DRC9: variants seen among roughly 807,000 people sequenced by gnomAD.
DRC9 encodes dynein regulatory complex subunit 9.
chr3:197,950,397 C>T, the DRC9 span: 13 of 1,125,692 alleles, frequency 1.2e-5, no homozygotes, highest in African/African-American at 1.6e-5. Context: ...GTTTGGTCCC[C>T]TGACACCCGG....
the DRC9 span, chr3:197,953,509 C>G: frequency 4.4e-6 from 2 of 456,522 alleles, no homozygotes; most frequent in Non-Finnish European, 8.8e-6. Flanking sequence ...CCCTTGGTGT[C>G]TTCAGTCTTT....
the DRC9 span, among the ~76,000 whole-genome samples, chr3:197,941,430 T>TA: frequency 3.8e-5 from 1 of 26,288 alleles, no homozygotes; most frequent in African/African-American, 1.5e-4. Flanking sequence ...TCCTCTCCCA[T>TA]CCCCCTCCCT....
the DRC9 span, among the ~76,000 whole-genome samples, chr3:197,934,690 G>A: frequency 7.0e-4 from 107 of 152,010 alleles, no homozygotes; most frequent in Middle Eastern, 3.4e-3. Context: ...TGTTTAGGCC[G>A]GGCACAAGAG....
the DRC9 span, chr3:197,889,735 G>T: frequency 1.2e-6 from 2 of 1,613,956 alleles, no homozygotes; most frequent in Admixed American, 3.3e-5. Flanking sequence ...AAAGGGGAGT[G>T]AGTACGACGT....
chr3:197,932,947 ATATT>A, the DRC9 span, among the ~76,000 whole-genome samples: 7 of 115,222 alleles, frequency 6.1e-5, no homozygotes, highest in African/African-American at 3.3e-4. Flanking sequence ...TGTATAATAT[ATATT>A]ATATATTATT....
At chr3:197,909,714 C>T in the DRC9 span, among the ~76,000 whole-genome samples, 1 of 152,172 alleles carries the variant, frequency 6.6e-6, no homozygotes, top group African/African-American at 2.4e-5. Context: ...AATACTAGGC[C>T]GGGTGCAGTG....
At chr3:197,945,532 G>A in the DRC9 span, 5 of 810,494 alleles carry the variant, frequency 6.2e-6, no homozygotes, top group South Asian at 3.2e-5. Context: ...AATCTGTTAC[G>A]CAGCAATAGA....
chr3:197,943,294 T>G, the DRC9 span, among the ~76,000 whole-genome samples: 4 of 152,330 alleles, frequency 2.6e-5, no homozygotes, highest in African/African-American at 9.6e-5. Context: ...AAAACCAATA[T>G]ACTAGAAAAG....
chr3:197,942,277 G>T, the DRC9 span, among the ~76,000 whole-genome samples: 1 of 151,202 alleles, frequency 6.6e-6, no homozygotes, highest in Non-Finnish European at 1.5e-5. Context: ...CGGGCTGCTC[G>T]GGAGGCTGAG....
the DRC9 span, chr3:197,943,620 C>T: frequency 1.5e-6 from 1 of 682,866 alleles, no homozygotes; most frequent in Non-Finnish European, 2.4e-6. Flanking sequence ...GCTTAGGCCA[C>T]AGAGCGAGAC....
the DRC9 span, among the ~76,000 whole-genome samples, chr3:197,935,148 A>C: frequency 6.6e-6 from 1 of 152,036 alleles, no homozygotes; most frequent in East Asian, 1.9e-4. Context: ...TTCCAAGAAA[A>C]GTAATTTTGT....
At chr3:197,939,691 A>G in the DRC9 span, among the ~76,000 whole-genome samples, 3 of 152,092 alleles carry the variant, frequency 2.0e-5, no homozygotes, top group Admixed American at 1.3e-4. Context: ...TTATTATTTT[A>G]GATTTTGCCT....
the DRC9 span, among the ~76,000 whole-genome samples, chr3:197,920,865 G>A: frequency 6.6e-6 from 1 of 152,064 alleles, no homozygotes; most frequent in Non-Finnish European, 1.5e-5. Context: ...TTTTTGCTGA[G>A]TATCTAAGGC....
At chr3:197,931,944 G>A in the DRC9 span, among the ~76,000 whole-genome samples, 1 of 152,050 alleles carries the variant, frequency 6.6e-6, no homozygotes, top group Non-Finnish European at 1.5e-5. Flanking sequence ...CTTAAGAAAG[G>A]TTACTAGAGA....
chr3:197,949,987 C>T, the DRC9 span: 3 of 585,400 alleles, frequency 5.1e-6, no homozygotes, highest in Admixed American at 4.4e-5. Flanking sequence ...TTTGCCTTCC[C>T]TTGTTCCCAA....
the DRC9 span, among the ~76,000 whole-genome samples, chr3:197,937,488 A>G: frequency 6.6e-6 from 1 of 150,954 alleles, no homozygotes; most frequent in Non-Finnish European, 1.5e-5. Flanking sequence ...TTTTCAAGAC[A>G]GAGTCTTGCT....
At chr3:197,906,947 C>A in the DRC9 span, among the ~76,000 whole-genome samples, 2 of 152,160 alleles carry the variant, frequency 1.3e-5, no homozygotes, top group Admixed American at 1.3e-4. Flanking sequence ...CCTAGAGATA[C>A]CATCATTCAT....
the DRC9 span, chr3:197,955,667 G>A: frequency 1.6e-6 from 2 of 1,214,246 alleles, no homozygotes; most frequent in Non-Finnish European, 2.4e-6. Flanking sequence ...TAGCCTTTCA[G>A]AGATTTATCC....
the DRC9 span, among the ~76,000 whole-genome samples, chr3:197,917,154 A>C: frequency 6.6e-6 from 1 of 152,220 alleles, no homozygotes; most frequent in Non-Finnish European, 1.5e-5. Context: ...TGTCTCTACA[A>C]AAAAATTTAA....
Sources: gnomAD v4.1 joint callset for allele counts (sites outside exome capture counted in the v4.1 genomes callset) on GRCh38, gnomAD v4.1.1 for gene constraint, MANE v1.5 for transcripts, NCBI Gene and HGNC (gene_info 2026-07-23, HGNC 2026-07-21) for gene names.